Variants in STK32A observed in about 807,000 individuals in gnomAD.
The protein encoded by STK32A is serine/threonine-protein kinase 32A.
A neutral mutation model predicts 53.2 loss-of-function variants in STK32A; 41 were observed. The ratio of observed to expected loss-of-function variants is 0.77; its 90% confidence interval spans 0.60 to 1.00. STK32A has a LOEUF of 1.00. Ranked by LOEUF, STK32A falls within the 50% of genes least tolerant of loss-of-function variation. The pLI is 0.00. For missense variants in STK32A, 458 were observed against 485.8 expected (o/e 0.94, Z 0.54); for synonymous variants, 166 against 162.8 (o/e 1.02, Z -0.15).
rs751527793 is a variant in STK32A, at chr5:147,239,605, T to G, written c.-30T>G. ...GGTGTTTCTGCCCGGATAGTATAAATCGAGGATCCAGGTCTGGGCAGATTC... is the reference window on the plus strand; with the variant it reads ...GGTGTTTCTGCCCGGATAGTATAAAGCGAGGATCCAGGTCTGGGCAGATTC... On this transcript the variant is annotated 5_prime_UTR_variant, in exon 2 of 13. Transcript: ENST00000397936. 1.5e-5 allele frequency: 23 copies of G among 1,578,628 alleles called. 1 individual carries two copies. The South Asian group carries it at 2.5e-4, about 17-fold the overall frequency.
intron 11 of STK32A, among the ~76,000 whole-genome samples, chr5:147,379,137 A>C (rs927457656): frequency 2.0e-5 from 3 of 151,126 alleles, no homozygotes; most frequent in African/African-American, 7.3e-5. Flanking sequence ...GAGGTCCTTC[A>C]TTTCCCTTGT....
chr5:147,346,392 A>G (rs1455349312), intron 6 of STK32A, among the ~76,000 whole-genome samples: 1 of 152,202 alleles, frequency 6.6e-6, no homozygotes, highest in African/African-American at 2.4e-5. Flanking sequence ...TGAGCTGTGT[A>G]TCACACCATG....
At chr5:147,251,248 G>T (rs886830744) in intron 2 of STK32A, among the ~76,000 whole-genome samples, 2 of 152,228 alleles carry the variant, frequency 1.3e-5, no homozygotes, top group East Asian at 3.9e-4. Context: ...AATTCTAACT[G>T]TCTCTTAGGC....
In STK32A at chr5:147,375,106, G is replaced by A. The variant is rs1331367905; in HGVS notation, c.920G>A (p.Cys307Tyr). 12 of 1,605,708 alleles carry A rather than the reference G, an allele frequency of 7.5e-6. No individual in the cohort carries two copies. The highest frequency in any genetic ancestry group is 9.3e-6 in the Non-Finnish European group (11 of 1,177,120). The change falls in exon 11 of 13, where the codon TGT (cysteine) becomes TAT (tyrosine). Residue 307 changes from cysteine (C) to tyrosine (Y), a missense_variant. Physicochemically the swap from Cys to Tyr is radical, Grantham distance 194. Coordinates refer to ENST00000397936, the MANE Select transcript of STK32A (RefSeq NM_001112724.2). ...GFIPNKGRLNCDPTFELEEMI... is the reference protein window; with the variant it reads ...GFIPNKGRLNYDPTFELEEMI... ...TCCTTGCAGAAAGGCAGGCTGAATTGTGATCCTACCTTTGAACTTGAGGAA... is the reference window on the plus strand; with the variant it reads ...TCCTTGCAGAAAGGCAGGCTGAATTATGATCCTACCTTTGAACTTGAGGAA...
chr5:147,265,096 T>C (rs1188837547), intron 2 of STK32A, among the ~76,000 whole-genome samples: 1 of 55,512 alleles, frequency 1.8e-5, no homozygotes, highest in Non-Finnish European at 3.4e-5. Context: ...TATATATGTG[T>C]GTATATATAT....
Position 147,324,059 on chromosome 5 carries a change from G to C in STK32A, c.422G>C (p.Arg141Pro). 6.2e-7 allele frequency: 1 copy of C among 1,604,160 alleles called. No individual in the cohort carries two copies. Among genetic ancestry groups the C allele is most frequent in the Non-Finnish European group, 8.5e-7 (1 of 1,175,352 alleles). ...GCCCTGGACTACCTGCAGAACCAGC[G>C]CATCATTCACAGGTCAGTCAAGTCC... ...VMALDYLQNQ[R>P]IIHRDMKPDN... The change falls in exon 5 of 13, where the codon CGC becomes CCC. Residue 141 changes from arginine (R) to proline (P), a missense_variant. By Grantham distance (103) the Arg-to-Pro change is moderately radical. Coordinates refer to ENST00000397936, the MANE Select transcript of STK32A (RefSeq NM_001112724.2).
intron 5 of STK32A, among the ~76,000 whole-genome samples, chr5:147,330,013 T>C (rs980435849): frequency 1.3e-5 from 2 of 152,220 alleles, no homozygotes; most frequent in African/African-American, 4.8e-5. Context: ...TGGTCTGCCT[T>C]TCCACTATGC....
At chr5:147,305,342 C>G (rs1000066855) in intron 4 of STK32A, among the ~76,000 whole-genome samples, 2 of 152,146 alleles carry the variant, frequency 1.3e-5, no homozygotes, top group Non-Finnish European at 2.9e-5. Context: ...GGCTCCTCCC[C>G]CTGCAAACAG....
At chr5:147,398,250 A>G in the STK32A span, among the ~76,000 whole-genome samples, 1 of 152,198 alleles carries the variant, frequency 6.6e-6, no homozygotes, top group Admixed American at 6.5e-5. Context: ...AGCAAAGGCC[A>G]TTGCCACCAA....
intron 4 of STK32A, among the ~76,000 whole-genome samples, chr5:147,306,119 TTA>T (rs1753392847): frequency 6.6e-6 from 1 of 152,010 alleles, no homozygotes; most frequent in African/African-American, 2.4e-5. Context: ...ACACTGGATA[TTA>T]TCAGTTTATT....
chr5:147,361,253 C>A (rs1394646850), intron 7 of STK32A, among the ~76,000 whole-genome samples: 1 of 152,124 alleles, frequency 6.6e-6, no homozygotes, highest in East Asian at 1.9e-4. Flanking sequence ...AAATTTTAAT[C>A]GGTGCATGAT....
intron 4 of STK32A, among the ~76,000 whole-genome samples, chr5:147,312,009 A>C (rs1307691351): frequency 3.3e-5 from 5 of 152,214 alleles, no homozygotes; most frequent in African/African-American, 1.2e-4. Flanking sequence ...GGAAAGACTA[A>C]CTACAGGGGA....
chr5:147,376,452 G>T (rs1035280351), intron 11 of STK32A, among the ~76,000 whole-genome samples: 3 of 152,124 alleles, frequency 2.0e-5, no homozygotes, highest in Admixed American at 2.0e-4. Flanking sequence ...GTGGATACAG[G>T]CCTCTCTGAT....
At chr5:147,392,312 G>C (rs554858336), downstream of STK32A, 8 of 152,310 alleles carry the variant, frequency 5.3e-5, no homozygotes, top group African/African-American at 1.7e-4. Flanking sequence ...ACAGAAGGTA[G>C]CTTGCTAGGG....
At chr5:147,383,531 G>C in intron 12 of STK32A, 26 bp downstream of exon 12, 1 of 1,542,574 alleles carries the variant, frequency 6.5e-7, no homozygotes, top group African/African-American at 1.4e-5. Context: ...GAGAACAACA[G>C]CCCCAGAAAT....
chr5:147,332,153 C>G (rs1293676859), intron 5 of STK32A, among the ~76,000 whole-genome samples: 1 of 152,144 alleles, frequency 6.6e-6, no homozygotes, highest in African/African-American at 2.4e-5. Context: ...ATGCTGCTTA[C>G]AATACATTAT....
At chr5:147,263,844 T>C (rs1460574285) in intron 2 of STK32A, among the ~76,000 whole-genome samples, 1 of 152,112 alleles carries the variant, frequency 6.6e-6, no homozygotes, top group African/African-American at 2.4e-5. Context: ...AACATAAGTT[T>C]TCAGATTAAA....
the STK32A span, chr5:147,401,582 G>C: frequency 6.2e-6 from 10 of 1,613,672 alleles, no homozygotes; most frequent in Non-Finnish European, 8.5e-6. Flanking sequence ...AGTTGGGTCA[G>C]GGCTCAGGGG....
At chr5:147,317,770 G>A (rs1156249183) in intron 4 of STK32A, among the ~76,000 whole-genome samples, 1 of 152,046 alleles carries the variant, frequency 6.6e-6, no homozygotes, top group Non-Finnish European at 1.5e-5. Context: ...GCAAACATTT[G>A]ATAAAAATTT....
Sources: allele counts gnomAD v4.1 joint callset (sites outside exome capture counted in the v4.1 genomes callset), GRCh38; gene constraint gnomAD v4.1.1; transcripts MANE v1.5; gene names NCBI Gene and HGNC (gene_info 2026-07-23, HGNC 2026-07-21).